The following BRWD3 variants were observed in gnomAD, a reference collection of about 807,000 sequenced individuals.
BRWD3 encodes bromodomain and WD repeat-containing protein 3.
Under a neutral mutation model 149.7 loss-of-function variants are expected in BRWD3, and 10 were observed. That is an observed-to-expected ratio of 0.07 (90% CI 0.04 to 0.11). BRWD3 has a LOEUF of 0.11. Among genes scored for constraint, BRWD3 ranks in the 10% least tolerant of loss-of-function variants. The pLI is 1.00. For missense variants in BRWD3, 940 were observed against 1,373.2 expected (o/e 0.68, Z 4.99); for synonymous variants, 504 against 456.7 (o/e 1.10, Z -1.32).
chrX:80,741,869 AC>A (rs1399188052), intron 8 of BRWD3, among the ~76,000 whole-genome samples: 1 of 111,076 alleles, frequency 9.0e-6, no homozygotes, highest in Non-Finnish European at 1.9e-5. Context: ...TTGCCTGTTC[AC>A]TCTGATGGTG....
intron 6 of BRWD3, among the ~76,000 whole-genome samples, chrX:80,762,731 T>C (rs1206174539): frequency 8.9e-6 from 1 of 111,844 alleles, no homozygotes; most frequent in Non-Finnish European, 1.9e-5. Flanking sequence ...CAATACAGTA[T>C]TGAAAAAAGA....
chrX:80,702,136 T>C lies in BRWD3; in HGVS notation c.2835+1344A>G, dbSNP rs186905189. Among the ~76,000 whole-genome samples the C allele has an allele frequency of 2.0e-3, 230 of 112,364 alleles. 2 individuals carry two copies. Among genetic ancestry groups the C allele is most frequent in the African/African-American group, 7.2e-3 (224 of 31,062 alleles). On this transcript the variant is annotated intron_variant, in intron 24 of 40. Transcript: ENST00000373275. ...TATTAAGATGAAGTAAAAAGTAATGTTGCCATTAAGAAATCAATTATATAA... is the reference window on the plus strand; with the variant it reads ...TATTAAGATGAAGTAAAAAGTAATGCTGCCATTAAGAAATCAATTATATAA...
At chrX:80,787,957 G>A (rs1471600750) in intron 6 of BRWD3, among the ~76,000 whole-genome samples, 4 of 109,538 alleles carry the variant, frequency 3.7e-5, no homozygotes, top group African/African-American at 1.3e-4. Flanking sequence ...GGTGGCGGGC[G>A]CTTGTAGTCC....
intron 25 of BRWD3, among the ~76,000 whole-genome samples, chrX:80,698,006 G>A (rs2072725816): frequency 8.9e-6 from 1 of 112,062 alleles, no homozygotes; most frequent in Admixed American, 9.4e-5. Flanking sequence ...TACCCATTCT[G>A]ACTGGTGTGA....
At chrX:80,771,153 A>T (rs766726202) in intron 6 of BRWD3, among the ~76,000 whole-genome samples, 2 of 111,852 alleles carry the variant, frequency 1.8e-5, no homozygotes, top group Non-Finnish European at 3.8e-5. Context: ...AAGAATCAGT[A>T]TCGTGAAAAT....
chrX:80,755,124 T>C (rs956094914), intron 6 of BRWD3, among the ~76,000 whole-genome samples: 1 of 112,176 alleles, frequency 8.9e-6, no homozygotes, highest in Non-Finnish European at 1.9e-5. Flanking sequence ...TACAGATTTG[T>C]AAATGTTGAA....
chrX:80,691,619 C>A (rs1002546424), intron 30 of BRWD3, among the ~76,000 whole-genome samples: 4 of 111,741 alleles, frequency 3.6e-5, no homozygotes, highest in Non-Finnish European at 7.5e-5. Context: ...CTATTATCCC[C>A]CAGATTGCTA....
At chrX:80,748,763 T>A (rs2073627275) in intron 6 of BRWD3, among the ~76,000 whole-genome samples, 1 of 111,757 alleles carries the variant, frequency 8.9e-6, no homozygotes, top group Non-Finnish European at 1.9e-5. Flanking sequence ...CCTTATTCCT[T>A]CCTTCTGCTA....
chrX:80,704,996 G>A (rs2072842022), intron 22 of BRWD3, 150 bp from the exon 23 acceptor site: 3 of 566,363 alleles, frequency 5.3e-6, no homozygotes, highest in East Asian at 3.7e-5. Context: ...ATCCAGGCAC[G>A]GTGGCTCACA....
chrX:80,749,042 C>G (rs900605137), intron 6 of BRWD3, among the ~76,000 whole-genome samples: 1 of 111,549 alleles, frequency 9.0e-6, no homozygotes, highest in African/African-American at 3.3e-5. Flanking sequence ...TAGTCTCATG[C>G]CATTGTAATT....
intron 20 of BRWD3, chrX:80,710,243 T>C: frequency 2.5e-6 from 1 of 394,412 alleles, no homozygotes. Flanking sequence ...TTCTCTTGTA[T>C]CTCTAATTGG....
chrX:80,808,446 C>A, intron 4 of BRWD3, 93 bp downstream of exon 4: 1 of 647,750 alleles, frequency 1.5e-6, no homozygotes, highest in Non-Finnish European at 2.3e-6. Context: ...TCTAGAACCT[C>A]GTCGGCTGAG....
intron 13 of BRWD3, 113 bp downstream of exon 13, chrX:80,729,803 C>T: frequency 1.8e-6 from 1 of 562,396 alleles, no homozygotes; most frequent in Non-Finnish European, 3.0e-6. Context: ...AACTTCATGT[C>T]TACAATTAAC....
intron 3 of BRWD3, 139 bp downstream of exon 3, chrX:80,808,874 G>A: frequency 7.3e-6 from 5 of 684,446 alleles, no homozygotes; most frequent in Non-Finnish European, 1.1e-5. Context: ...GAGGGAAGAA[G>A]CCAATTCACC....
rs1021565162 is a variant in BRWD3 at position 80,780,387 on chromosome X, C to T, written c.430+11467G>A. On this transcript the variant is annotated intron_variant, in intron 6 of 40. Transcript: ENST00000373275. ...AAAATAAGCCCTCATATAATAAAAT[C>T]TGTTTCATTTTTTAAAAAGATACTA... is the stretch of plus-strand genomic sequence containing the variant. 4.5e-5 allele frequency among the ~76,000 whole-genome samples: 5 copies of T among 110,892 alleles called. 1 individual carries two copies. Among genetic ancestry groups the T allele is most frequent in the African/African-American group, 6.5e-5 (2 of 30,612 alleles).
chrX:80,751,754 T>C (rs901616959), intron 6 of BRWD3, among the ~76,000 whole-genome samples: 6 of 110,071 alleles, frequency 5.5e-5, no homozygotes, highest in African/African-American at 2.0e-4. Flanking sequence ...TGTCTACCAT[T>C]CCACTCTCTA....
chrX:80,692,799 A>T, intron 28 of BRWD3, 141 bp downstream of exon 28: 1 of 492,867 alleles, frequency 2.0e-6, no homozygotes, highest in Non-Finnish European at 3.5e-6. Context: ...GCATTTTACC[A>T]TCAAATTTCT....
chrX:80,678,472 T>A (rs758826031), intron 40 of BRWD3, among the ~76,000 whole-genome samples: 26 of 110,880 alleles, frequency 2.3e-4, no homozygotes, highest in South Asian at 7.6e-4. Context: ...GACATTTTTT[T>A]AAAAAAAAGA....
chrX:80,685,855 G>GATGTATT lies in BRWD3; in HGVS notation c.4006-320_4006-319insAATACAT, dbSNP rs1343386378. Among the ~76,000 whole-genome samples the GATGTATT allele has an allele frequency of 1.9e-3, 207 of 111,607 alleles. 2 individuals are homozygous for GATGTATT. The highest frequency in any genetic ancestry group is 3.0e-3 in the South Asian group (8 of 2,643). On this transcript the variant is annotated intron_variant, in intron 35 of 40. Transcript: ENST00000373275. ...CAATGTGTAGTAAGCTCATAGGACG[G>GATGTATT]TCTGATGTATTTCTAAAATAGTGCT...
Sources: gnomAD v4.1 joint callset for allele counts (sites outside exome capture counted in the v4.1 genomes callset) on GRCh38, gnomAD v4.1.1 for gene constraint, MANE v1.5 for transcripts, NCBI Gene and HGNC (gene_info 2026-07-23, HGNC 2026-07-21) for gene names.